FSTL4: variants seen among roughly 807,000 people sequenced by gnomAD.
The protein encoded by FSTL4 is follistatin-related protein 4.
A neutral mutation model predicts 78.2 loss-of-function variants in FSTL4; 28 were observed. The observed-to-expected ratio is 0.36, with a 90% confidence interval of 0.27 to 0.49. The LOEUF (loss-of-function observed/expected upper bound fraction) is 0.49. FSTL4 is among the 20% of genes least tolerant of loss of function. The pLI is 0.98. For missense variants in FSTL4, 922 were observed against 1,084.9 expected (o/e 0.85, Z 2.11); for synonymous variants, 422 against 440.5 (o/e 0.96, Z 0.53).
the FSTL4 span, among the ~76,000 whole-genome samples, chr5:133,784,000 G>T: frequency 1.3e-5 from 2 of 151,594 alleles, no homozygotes. Flanking sequence ...TTCAAACCCT[G>T]CCTCCTCCAC....
chr5:133,596,349 C>T (rs142918286), intron 2 of FSTL4, among the ~76,000 whole-genome samples: 17 of 152,316 alleles, frequency 1.1e-4, no homozygotes, highest in Admixed American at 6.5e-4. Context: ...GGTGGGGAGG[C>T]GCTTCTGTCA....
At chr5:133,331,741 G>T (rs982514196) in intron 4 of FSTL4, among the ~76,000 whole-genome samples, 1 of 152,080 alleles carries the variant, frequency 6.6e-6, no homozygotes, top group Non-Finnish European at 1.5e-5. Context: ...GTAAATCCCT[G>T]GTCAAAATAA....
chr5:133,445,408 C>T (rs889722508), intron 3 of FSTL4, among the ~76,000 whole-genome samples: 4 of 151,974 alleles, frequency 2.6e-5, no homozygotes, highest in Non-Finnish European at 5.9e-5. Context: ...ATCACTGCTG[C>T]GGGGCAGCAC....
the FSTL4 span, among the ~76,000 whole-genome samples, chr5:133,776,764 C>T: frequency 6.6e-6 from 1 of 152,146 alleles, no homozygotes; most frequent in Non-Finnish European, 1.5e-5. Context: ...AAAAGGTTTT[C>T]CATAGAGGGA....
chr5:133,628,642 G>C, the FSTL4 span, among the ~76,000 whole-genome samples: 1 of 152,084 alleles, frequency 6.6e-6, no homozygotes, highest in Non-Finnish European at 1.5e-5. Context: ...TTATAGGTGT[G>C]AGCTGCCGTG....
the FSTL4 span, among the ~76,000 whole-genome samples, chr5:133,626,115 C>T: frequency 2.4e-4 from 2 of 8,432 alleles, no homozygotes; most frequent in African/African-American, 3.8e-4. Context: ...ATATATATTC[C>T]ATATATATAT....
At chr5:133,394,734 C>T (rs546702478) in intron 4 of FSTL4, among the ~76,000 whole-genome samples, 72 of 152,366 alleles carry the variant, frequency 4.7e-4, no homozygotes, top group Non-Finnish European at 7.1e-4. Context: ...CTGAGGAGTG[C>T]GGGTGCACTG....
the FSTL4 span, among the ~76,000 whole-genome samples, chr5:133,805,014 C>T: frequency 6.6e-6 from 1 of 151,792 alleles, no homozygotes; most frequent in Admixed American, 6.6e-5. Context: ...CAACCTTCTC[C>T]TAATGCCACC....
the FSTL4 span, among the ~76,000 whole-genome samples, chr5:133,781,065 A>G: frequency 1.3e-5 from 2 of 152,292 alleles, no homozygotes; most frequent in South Asian, 4.1e-4. Context: ...CAGATGCCTC[A>G]TCCCTCCTTC....
At chr5:133,415,403 A>T (rs1476371284) in intron 3 of FSTL4, among the ~76,000 whole-genome samples, 1 of 152,200 alleles carries the variant, frequency 6.6e-6, no homozygotes, top group African/African-American at 2.4e-5. Flanking sequence ...GACAATCTTA[A>T]AAATCAAAAT....
At chr5:133,497,454 T>G (rs1442012022) in intron 3 of FSTL4, among the ~76,000 whole-genome samples, 7 of 152,160 alleles carry the variant, frequency 4.6e-5, no homozygotes, top group African/African-American at 1.7e-4. Flanking sequence ...CTGAGAGTAT[T>G]TTTGCTGTTG....
In FSTL4 at chr5:133,330,726, A is replaced by G. The variant is rs185518648; in HGVS notation, c.410-14074T>C. Among the ~76,000 whole-genome samples the G allele has an allele frequency of 2.6e-4, 39 of 152,300 alleles. No individual in the cohort carries two copies. The South Asian group carries it at 2.7e-3, about 11-fold the overall frequency. ...GATGACATGTATCCATTTCAAGATA[A>G]TAAAGGGGGGCTTTACAAAAGATTT... On this transcript the variant is annotated intron_variant, in intron 4 of 15. Coordinates refer to ENST00000265342, the MANE Select transcript of FSTL4 (RefSeq NM_015082.2).
At chr5:133,502,714 A>G (rs1167714897) in intron 3 of FSTL4, among the ~76,000 whole-genome samples, 1 of 152,020 alleles carries the variant, frequency 6.6e-6, no homozygotes, top group African/African-American at 2.4e-5. Flanking sequence ...GCCTTCTGCC[A>G]TGACTGCAAG....
At chr5:133,398,303 G>T (rs549294554) in intron 4 of FSTL4, among the ~76,000 whole-genome samples, 1 of 152,318 alleles carries the variant, frequency 6.6e-6, no homozygotes, top group Admixed American at 6.5e-5. Context: ...AGCTGACCCT[G>T]AGGGTGAGGC....
chr5:133,740,999 G>C, the FSTL4 span, among the ~76,000 whole-genome samples: 1 of 152,074 alleles, frequency 6.6e-6, no homozygotes, highest in Non-Finnish European at 1.5e-5. Context: ...ATGGATGAAT[G>C]AATTGATGGG....
chr5:133,255,427 G>A (rs1339213484), intron 6 of FSTL4, among the ~76,000 whole-genome samples: 2 of 152,232 alleles, frequency 1.3e-5, no homozygotes, highest in Non-Finnish European at 2.9e-5. Context: ...GGCTTCCCAT[G>A]ATATCCCCCT....
intron 4 of FSTL4, among the ~76,000 whole-genome samples, chr5:133,358,979 T>C (rs1481818070): frequency 6.6e-6 from 1 of 152,194 alleles, no homozygotes; most frequent in Non-Finnish European, 1.5e-5. Flanking sequence ...AGAGTGAGCA[T>C]TCAGGTCTGG....
intron 3 of FSTL4, among the ~76,000 whole-genome samples, chr5:133,566,659 C>T (rs771017151): frequency 3.7e-4 from 57 of 152,170 alleles, no homozygotes; most frequent in Admixed American, 5.9e-4. Flanking sequence ...GACCATAAAA[C>T]AAATGTGCTA....
the FSTL4 span, among the ~76,000 whole-genome samples, chr5:133,653,138 A>C: frequency 1.3e-5 from 2 of 152,212 alleles, no homozygotes; most frequent in African/African-American, 4.8e-5. Context: ...ATGCTGAGTC[A>C]GGCTGTAGAC....
Sources: allele counts gnomAD v4.1 joint callset (sites outside exome capture counted in the v4.1 genomes callset), GRCh38; gene constraint gnomAD v4.1.1; transcripts MANE v1.5; gene names NCBI Gene and HGNC (gene_info 2026-07-23, HGNC 2026-07-21).